TBRG4: variants seen among roughly 807,000 people sequenced by gnomAD.
TBRG4 encodes FAST kinase domain-containing protein 4.
A neutral mutation model predicts 65.6 loss-of-function variants in TBRG4; 43 were observed. The ratio of observed to expected loss-of-function variants is 0.66; its 90% CI spans 0.51 to 0.85. The LOEUF (loss-of-function observed/expected upper bound fraction) is 0.85, where lower values mean the gene tolerates loss of function less well. Among genes scored for constraint, TBRG4 ranks in the 40% least tolerant of loss-of-function variants. The pLI is 0.00. For missense variants in TBRG4, 709 were observed against 787.9 expected (o/e 0.90, Z 1.20); for synonymous variants, 366 against 341.4 (o/e 1.07, Z -0.79).
Position 45,100,160 on chromosome 7 carries a change from G to T in TBRG4, c.*165C>A, listed in dbSNP as rs1245408076. 3.3e-5 allele frequency: 19 copies of T among 583,100 alleles called. 2 individuals carry two copies. In the South Asian group the frequency reaches 4.1e-4, roughly 13 times the overall value. The allele number at this position is 583,100 out of a possible 1,614,324, so 36.1% of individuals were successfully genotyped here. Reference sequence around the variant, plus strand: ...CCAGGGGTCCAACACCAAAATTAAAGGTTTATTATACACAAGAGGACGTTC... The same window carrying T: ...CCAGGGGTCCAACACCAAAATTAAATGTTTATTATACACAAGAGGACGTTC... On this transcript the variant is annotated 3_prime_UTR_variant, in exon 11 of 11. Transcript: ENST00000258770.
In TBRG4 at chr7:45,100,274, C is replaced by T; in HGVS notation, c.*51G>A. On this transcript the variant is annotated 3_prime_UTR_variant, in exon 11 of 11. Coordinates refer to ENST00000258770, the MANE Select transcript of TBRG4 (RefSeq NM_004749.4). ...TCAAGGGTGACCCTTCTTGGCCGCC[C>T]ACAGCTAGACCTCCGGCGGAGAGGC... The T allele has an allele frequency of 6.5e-7, 1 of 1,540,002 alleles. No homozygotes were observed. The highest frequency in any genetic ancestry group is 8.9e-7 in the Non-Finnish European group (1 of 1,121,856).
chr7:45,102,330 AG>A lies in TBRG4; in HGVS notation c.1321+16del. On this transcript the variant is annotated intron_variant, in intron 7 of 10. Coordinates refer to ENST00000258770, the MANE Select transcript of TBRG4 (RefSeq NM_004749.4). ...GCAGTTTCCCAGTTCCAGTAGTACT[AG>A]GGGCAGGGGGCTCACCTAGAAATTG... 2.5e-6 allele frequency: 4 copies of A among 1,613,784 alleles called. No homozygotes were observed. The highest frequency in any genetic ancestry group is 2.5e-6 in the Non-Finnish European group (3 of 1,179,910).
chr7:45,104,242 G>C lies in TBRG4; in HGVS notation c.922C>G (p.His308Asp), dbSNP rs1243278521. 4 of 1,614,014 alleles carry C rather than the reference G, an allele frequency of 2.5e-6. No individual in the cohort carries two copies. Among genetic ancestry groups the C allele is most frequent in the Non-Finnish European group, 2.5e-6 (3 of 1,179,974 alleles). Residue 308 changes from histidine (H) to aspartate (D), a missense_variant, in exon 5 of 11, where the codon CAC becomes GAC. Coordinates refer to ENST00000258770, the MANE Select transcript of TBRG4 (RefSeq NM_004749.4). The stretch of plus-strand genomic sequence containing the variant: ...AGGCGCTGGGACACCTGGGTCTGGT[G>C]AAAGCTGAGTTTGCCTTCAGGACAG... Reference protein sequence around the residue: ...VAYAYGKLSFHQTQVSQRLAT... With the variant: ...VAYAYGKLSFDQTQVSQRLAT...
At position 45,108,892 on chromosome 7, in the gene TBRG4, C is replaced by T. The variant is rs1212868875; in HGVS notation, c.346G>A (p.Glu116Lys). 3.2e-6 allele frequency: 5 copies of T among 1,584,836 alleles called. No homozygotes were observed. Among genetic ancestry groups the T allele is most frequent in the Non-Finnish European group, 4.3e-6 (5 of 1,168,694 alleles). ...RLSHLLSEKPEDKGLLIQDAH... is the reference protein window; with the variant it reads ...RLSHLLSEKPKDKGLLIQDAH... ...TCCTGTATGAGCAAGCCTTTATCTT[C>T]TGGCTTCTCAGACAGCAAGTGAGAG... The change falls in exon 2 of 11, where the codon GAA (glutamate) becomes AAA (lysine). Residue 116 changes from glutamate (E) to lysine (K), a missense_variant. Coordinates refer to ENST00000258770, the MANE Select transcript of TBRG4 (RefSeq NM_004749.4).
chr7:45,107,510 G>C (rs1784996525), intron 2 of TBRG4: 1 of 152,222 alleles, frequency 6.6e-6, no homozygotes, highest in Non-Finnish European at 1.5e-5. Flanking sequence ...TCTCAACACT[G>C]AACCCTCAGG....
At chr7:45,111,470 G>A (rs957614386) in intron 1 of TBRG4, 173 bp downstream of exon 1, 10 of 729,042 alleles carry the variant, frequency 1.4e-5, no homozygotes, top group African/African-American at 1.8e-5. Flanking sequence ...GAGAGGAAGC[G>A]TGCGCACTGG....
intron 10 of TBRG4, 116 bp downstream of exon 10, chr7:45,101,142 G>T (rs1053429391): frequency 2.0e-6 from 2 of 982,390 alleles, no homozygotes; most frequent in Non-Finnish European, 3.0e-6. Flanking sequence ...GGAGAGGCCC[G>T]GGGCCACGGG....
At chr7:45,107,299 T>C (rs781145873) in intron 2 of TBRG4, 5 of 152,264 alleles carry the variant, frequency 3.3e-5, no homozygotes, top group African/African-American at 1.2e-4. Context: ...TAGTTCTGGG[T>C]CCGGAACCTG....
chr7:45,110,266 T>A (rs988186381), intron 1 of TBRG4, among the ~76,000 whole-genome samples: 5 of 152,196 alleles, frequency 3.3e-5, no homozygotes, highest in African/African-American at 1.2e-4. Context: ...TATCTGGGTC[T>A]CCTCCTCCCC....
chr7:45,105,636 C>G lies in TBRG4; in HGVS notation c.540G>C (p.Lys180Asn), dbSNP rs761696801. 6.2e-7 allele frequency: 1 copy of G among 1,614,126 alleles called. No homozygotes were observed. The highest frequency in any genetic ancestry group is 8.5e-7 in the Non-Finnish European group (1 of 1,180,046). The change falls in exon 3 of 11, where the codon AAG becomes AAC. Residue 180 changes from lysine (K) to asparagine (N), a missense_variant. By Grantham distance (94) the Lys-to-Asn change is moderately conservative. Coordinates refer to ENST00000258770, the MANE Select transcript of TBRG4 (RefSeq NM_004749.4). ...CTGCCAGGAAGGCCAGGTGCTTGTACTTGAGCTTCCGCATGCGCCAGCGGA... is the reference window on the plus strand; with the variant it reads ...CTGCCAGGAAGGCCAGGTGCTTGTAGTTGAGCTTCCGCATGCGCCAGCGGA... ...QEVRWRMRKL[K>N]YKHLAFLAES... is the part of the protein sequence containing the mutation.
In TBRG4 at chr7:45,102,515, G is replaced by A. The variant is rs1784801037; in HGVS notation, c.1177-24C>T. ...ACCTGGGCAAGGATAGAGTGTGGTGGAGAAAGCAGGCTCTCCTTAGGGGCT... is the reference window on the plus strand; with the variant it reads ...ACCTGGGCAAGGATAGAGTGTGGTGAAGAAAGCAGGCTCTCCTTAGGGGCT... On this transcript the variant is annotated intron_variant, in intron 6 of 10. Coordinates refer to ENST00000258770, the MANE Select transcript of TBRG4 (RefSeq NM_004749.4). 4 of 1,601,586 alleles carry A rather than the reference G, an allele frequency of 2.5e-6. No individual in the cohort carries two copies. The South Asian group carries it at 3.3e-5, about 13-fold the overall frequency.
At chr7:45,101,131 G>A in intron 10 of TBRG4, 127 bp downstream of exon 10, 1 of 834,452 alleles carries the variant, frequency 1.2e-6, no homozygotes, top group Non-Finnish European at 1.8e-6. Context: ...CTGGGCTCCT[G>A]GGAGAGGCCC....
At chr7:45,106,918 C>T (rs17172378) in intron 2 of TBRG4, 7,704 of 152,292 alleles carry the variant, frequency 0.051, 239 homozygotes, top group African/African-American at 0.068. Context: ...AATGCAACTG[C>T]TGCAATAAGC....
chr7:45,107,468 A>G (rs1784994982), intron 2 of TBRG4: 5 of 152,286 alleles, frequency 3.3e-5, no homozygotes, highest in Admixed American at 1.3e-4. Context: ...ATGGTAAAAC[A>G]AGTATGGCTC....
At chr7:45,106,327 T>C in intron 2 of TBRG4, 2 of 282,288 alleles carry the variant, frequency 7.1e-6, no homozygotes, top group South Asian at 7.0e-5. Context: ...CACACTCTTT[T>C]ACATGGTCCT....
chr7:45,101,689 A>G, intron 8 of TBRG4, 75 bp from the exon 9 acceptor site: 1 of 1,597,406 alleles, frequency 6.3e-7, no homozygotes, highest in Non-Finnish European at 8.5e-7. Flanking sequence ...AGATGAACAA[A>G]GATGGGACTG....
chr7:45,104,372 C>T, intron 4 of TBRG4, 116 bp from the exon 5 acceptor site: 2 of 1,583,482 alleles, frequency 1.3e-6, no homozygotes, highest in Non-Finnish European at 1.7e-6. Context: ...CAAATTTATC[C>T]CTGAGCCTGG....
intron 4 of TBRG4, 74 bp from the exon 5 acceptor site, chr7:45,104,330 G>T (rs1227620949): frequency 6.2e-7 from 1 of 1,602,404 alleles, no homozygotes; most frequent in East Asian, 2.2e-5. Flanking sequence ...CCCCACCTCA[G>T]CCTCGAGGTC....
At chr7:45,102,251 C>A in intron 7 of TBRG4, 96 bp downstream of exon 7, 1 of 1,574,096 alleles carries the variant, frequency 6.4e-7, no homozygotes, top group South Asian at 1.2e-5. Flanking sequence ...GGAGGGAGAG[C>A]CCTGGCCTCC....
Sources: gnomAD v4.1 joint callset for allele counts (sites outside exome capture counted in the v4.1 genomes callset) on GRCh38, gnomAD v4.1.1 for gene constraint, MANE v1.5 for transcripts, NCBI Gene and HGNC (gene_info 2026-07-23, HGNC 2026-07-21) for gene names.